The following PTPRN2 variants were observed in gnomAD, a reference collection of about 807,000 sequenced individuals.
PTPRN2 encodes the protein protein tyrosine phosphatase receptor type N2, also known as receptor-type tyrosine-protein phosphatase N2.
In PTPRN2, 74 loss-of-function variants were observed where a neutral mutation model predicts 118.8. The observed-to-expected ratio is 0.62, with a 90% CI of 0.52 to 0.76. The LOEUF (loss-of-function observed/expected upper bound fraction) is 0.76. Among genes scored for constraint, PTPRN2 ranks in the 30% least tolerant of loss-of-function variants. PTPRN2 has a pLI of 0.00. For synonymous variants in PTPRN2, 641 were observed against 608.0 expected, an observed-to-expected ratio of 1.05 and a Z score of -0.80; for missense variants, 1,481 against 1,394.4, an observed-to-expected ratio of 1.06 and a Z score of -0.99.
intron 5 of PTPRN2, among the ~76,000 whole-genome samples, chr7:158,175,835 G>T (rs1824142683): frequency 6.6e-6 from 1 of 152,176 alleles, no homozygotes; most frequent in Non-Finnish European, 1.5e-5. Flanking sequence ...TGAACTCCTG[G>T]ATATCTGCTA....
chr7:158,167,417 G>T (rs534705081), intron 5 of PTPRN2, 126 bp from the exon 6 acceptor site: 9 of 1,268,382 alleles, frequency 7.1e-6, no homozygotes, highest in Non-Finnish European at 9.6e-6. Flanking sequence ...GATGCCCTTC[G>T]GTCTCAGGTT....
At chr7:158,386,429 C>T (rs28394030) in intron 2 of PTPRN2, among the ~76,000 whole-genome samples, 26 of 149,490 alleles carry the variant, frequency 1.7e-4, no homozygotes, top group African/African-American at 4.2e-4. Context: ...TCCCATGCCC[C>T]GAGTCCCTCC....
chr7:157,788,218 A>G (rs796689922), intron 12 of PTPRN2, among the ~76,000 whole-genome samples: 168 of 152,188 alleles, frequency 1.1e-3, no homozygotes, highest in African/African-American at 4.0e-3. Flanking sequence ...TACTAAAAGT[A>G]CAAAAAAGTA....
chr7:158,276,811 C>T (rs1799037658), intron 3 of PTPRN2, among the ~76,000 whole-genome samples: 1 of 152,206 alleles, frequency 6.6e-6, no homozygotes, highest in Non-Finnish European at 1.5e-5. Flanking sequence ...GCAGGATATG[C>T]CTCCCCAGGT....
chr7:158,211,706 C>T (rs960691996), intron 3 of PTPRN2, among the ~76,000 whole-genome samples: 6 of 152,158 alleles, frequency 3.9e-5, no homozygotes, highest in African/African-American at 1.4e-4. Context: ...GTCCAAAAGA[C>T]AGGCAATAAC....
At chr7:158,091,436 G>GA (rs933653029) in intron 10 of PTPRN2, among the ~76,000 whole-genome samples, 14 of 152,218 alleles carry the variant, frequency 9.2e-5, no homozygotes, top group East Asian at 3.9e-4. Flanking sequence ...ATTTAGAAAT[G>GA]AAAAAAACAA....
chr7:157,994,583 T>G (rs1804535950), intron 11 of PTPRN2, among the ~76,000 whole-genome samples: 1 of 143,814 alleles, frequency 7.0e-6, no homozygotes, highest in Non-Finnish European at 1.5e-5. Context: ...CAACTCCTTG[T>G]TCCTAAATCA....
At chr7:157,815,249 G>A (rs999983482) in intron 12 of PTPRN2, among the ~76,000 whole-genome samples, 1 of 152,234 alleles carries the variant, frequency 6.6e-6, no homozygotes, top group Non-Finnish European at 1.5e-5. Flanking sequence ...TTGCAGGACG[G>A]GAGGCTGAGG....
intron 12 of PTPRN2, among the ~76,000 whole-genome samples, chr7:157,747,967 GA>G (rs2150977625): frequency 9.9e-6 from 1 of 100,988 alleles, no homozygotes; most frequent in African/African-American, 5.1e-5. Context: ...GCAGGCTGTT[GA>G]GGTGATTCTG....
At chr7:158,086,751 G>T (rs1460492365) in intron 10 of PTPRN2, among the ~76,000 whole-genome samples, 2 of 152,230 alleles carry the variant, frequency 1.3e-5, no homozygotes, top group Admixed American at 1.3e-4. Context: ...GGCTCTGTGT[G>T]TGTGCAGGAA....
chr7:157,557,163 A>G (rs1270087037), intron 21 of PTPRN2, among the ~76,000 whole-genome samples: 1 of 151,124 alleles, frequency 6.6e-6, no homozygotes, highest in Non-Finnish European at 1.5e-5. Flanking sequence ...ATGCATGCAC[A>G]CATATATACA....
intron 14 of PTPRN2, among the ~76,000 whole-genome samples, chr7:157,648,897 C>T (rs1447428134): frequency 1.4e-5 from 2 of 145,768 alleles, no homozygotes; most frequent in African/African-American, 2.5e-5. Flanking sequence ...GCACTGAACT[C>T]GGTGGGTTGG....
intron 1 of PTPRN2, among the ~76,000 whole-genome samples, chr7:158,514,867 CAA>C (rs1467310238): frequency 6.6e-6 from 1 of 152,182 alleles, no homozygotes; most frequent in Non-Finnish European, 1.5e-5. Flanking sequence ...CCGCCTGCCT[CAA>C]AGTCACTGGC....
chr7:158,557,318 C>T (rs527801332), intron 1 of PTPRN2, among the ~76,000 whole-genome samples: 4 of 140,142 alleles, frequency 2.9e-5, no homozygotes, highest in South Asian at 2.4e-4. Flanking sequence ...GTCGCTCCCG[C>T]GCAGGGCAGG....
In PTPRN2 at chr7:158,255,705, G is replaced by A. The variant is rs565689430; in HGVS notation, c.278-50432C>T. On this transcript the variant is annotated intron_variant, in intron 3 of 22. Transcript: ENST00000389418. ...TCCCGCTGGGGCTGTGCTGTCCGCC[G>A]CACCCTTGCACTGGGCCCTGACCCA... Among the ~76,000 whole-genome samples, 14 of 152,156 alleles carry A rather than the reference G, an allele frequency of 9.2e-5. 1 individual carries two copies. Among genetic ancestry groups the A allele is most frequent in the East Asian group, 1.9e-4 (1 of 5,168 alleles).
chr7:158,514,028 C>T (rs1176309571), intron 1 of PTPRN2, among the ~76,000 whole-genome samples: 1 of 152,232 alleles, frequency 6.6e-6, no homozygotes, highest in Non-Finnish European at 1.5e-5. Context: ...ACAGGTCTGT[C>T]TTAGCTCTAA....
At chr7:158,268,987 G>C (rs1217707187) in intron 3 of PTPRN2, among the ~76,000 whole-genome samples, 1 of 152,240 alleles carries the variant, frequency 6.6e-6, no homozygotes, top group Non-Finnish European at 1.5e-5. Flanking sequence ...TGCCGGGCCT[G>C]AAAATCGCAG....
At chr7:158,532,157 G>T (rs1434333582) in intron 1 of PTPRN2, among the ~76,000 whole-genome samples, 2 of 152,232 alleles carry the variant, frequency 1.3e-5, no homozygotes, top group Non-Finnish European at 2.9e-5. Flanking sequence ...GGGGGTGCCG[G>T]AGGGAGGTGC....
chr7:158,200,910 ATG>A (rs904712885), intron 4 of PTPRN2, among the ~76,000 whole-genome samples: 1 of 152,246 alleles, frequency 6.6e-6, no homozygotes, highest in East Asian at 1.9e-4. Context: ...CAAATTATTT[ATG>A]TGATTTCATT....
Sources: allele counts gnomAD v4.1 joint callset (sites outside exome capture counted in the v4.1 genomes callset), GRCh38; gene constraint gnomAD v4.1.1; transcripts MANE v1.5; gene names NCBI Gene and HGNC (gene_info 2026-07-23, HGNC 2026-07-21).